Variants in CARNMT1 observed in about 807,000 individuals in gnomAD.
The protein encoded by CARNMT1 is carnosine N-methyltransferase 1, also known as protein-L-histidine N-pros-methyltransferase CARNMT1.
A neutral mutation model predicts 49.6 loss-of-function variants in CARNMT1; 28 were observed. The ratio of observed to expected loss-of-function variants is 0.56; its 90% confidence interval spans 0.42 to 0.77. The LOEUF (loss-of-function observed/expected upper bound fraction) is 0.77. Among genes scored for constraint, CARNMT1 ranks in the 30% least tolerant of loss-of-function variants. The probability of loss-of-function intolerance (pLI) is 0.00; values close to 1 mark genes in which losing one functional copy is unlikely to be tolerated. For synonymous variants in CARNMT1, 178 were observed against 175.0 expected, an observed-to-expected ratio of 1.02 and a Z score of -0.13; for missense variants, 421 against 512.6, an observed-to-expected ratio of 0.82 and a Z score of 1.73.
At position 75,007,748 on chromosome 9, in the gene CARNMT1, A is replaced by T. The variant is rs934912565; in HGVS notation, c.591-7878T>A. Among the ~76,000 whole-genome samples, 15 of 150,552 alleles carry T rather than the reference A, an allele frequency of 1.0e-4. 1 individual carries two copies. Among genetic ancestry groups the T allele is most frequent in the South Asian group, 2.1e-4 (1 of 4,764 alleles). The stretch of plus-strand genomic sequence containing the variant: ...TGTCTCAAAAAAATAAAAATAATAA[A>T]AAAAAAAAAACTAAGAAAATTCTTC... On this transcript the variant is annotated intron_variant, in intron 3 of 7. Coordinates refer to ENST00000376834, the MANE Select transcript of CARNMT1 (RefSeq NM_152420.3).
chr9:75,016,140 A>G lies in CARNMT1; in HGVS notation c.590+128T>C, dbSNP rs573849024. ...AGAGCATCCAATAACAAATGTTAAC[A>G]CTTACACATGTAAAACATACAGGCA... On this transcript the variant is annotated intron_variant, in intron 3 of 7. Transcript: ENST00000376834. 2.2e-5 allele frequency: 15 copies of G among 671,512 alleles called. No individual in the cohort carries two copies. The African/African-American group carries it at 2.5e-4, about 11-fold the overall frequency. The allele number at this position is 671,512 out of a possible 1,614,324, so 41.6% of individuals were successfully genotyped here. A position where few individuals can be genotyped will look rare whatever the true frequency, so the allele number is the denominator to read the frequency against.
chr9:75,026,270 C>G (rs544285137), intron 1 of CARNMT1, among the ~76,000 whole-genome samples: 13 of 152,172 alleles, frequency 8.5e-5, no homozygotes, highest in Non-Finnish European at 1.8e-4. Flanking sequence ...TGCCACACTT[C>G]AGTTCCTGAT....
chr9:75,003,906 C>G (rs921314550), intron 3 of CARNMT1, among the ~76,000 whole-genome samples: 3 of 152,204 alleles, frequency 2.0e-5, no homozygotes, highest in African/African-American at 4.8e-5. Context: ...GACGGAGTCT[C>G]GCTCTGTCGC....
chr9:75,004,271 C>T (rs1353762955), intron 3 of CARNMT1, among the ~76,000 whole-genome samples: 1 of 152,252 alleles, frequency 6.6e-6, no homozygotes, highest in East Asian at 1.9e-4. Context: ...TGTTTCCTCA[C>T]ACCTGCACTA....
intron 3 of CARNMT1, chr9:75,010,078 TAAAA>T (rs59158137): frequency 1.1e-4 from 15 of 132,618 alleles, no homozygotes; most frequent in Admixed American, 5.5e-4. Flanking sequence ...GTATAAGAGA[TAAAA>T]AAAACTCTTT....
At position 74,988,257 on chromosome 9, in the gene CARNMT1, GAT is replaced by G. The variant is rs138385329; in HGVS notation, c.1025-3249_1025-3248del. 8.7e-3 allele frequency among the ~76,000 whole-genome samples: 1,315 copies of G among 151,976 alleles called. 16 individuals carry two copies. The highest frequency in any genetic ancestry group is 0.03 in the African/African-American group (1,233 of 41,458). ...TAGTGGCCATAACAGAAGGAGCAAA[GAT>G]ATGTTTTTTTCTTTGATTATAAGAT... On this transcript the variant is annotated intron_variant, in intron 6 of 7. Transcript: ENST00000376834.
chr9:75,028,125 C>A lies in CARNMT1; in HGVS notation c.117G>T (p.Ser39=). 6.4e-7 allele frequency: 1 copy of A among 1,553,202 alleles called. No homozygotes were observed. Among genetic ancestry groups the A allele is most frequent in the Non-Finnish European group, 8.7e-7 (1 of 1,152,180 alleles). Residue 39 remains serine (S), a synonymous_variant, in exon 1 of 8, where the codon TCG becomes TCT. Coordinates refer to ENST00000376834, the MANE Select transcript of CARNMT1 (RefSeq NM_152420.3). ...CCGCTGCCGCCGAAACCGCCGCGGC[C>A]GAGCCCCAACGCCCGGCGGAAAACT... ...EVQFSAGRWG[S]AAAVSAAAAA...
intron 3 of CARNMT1, among the ~76,000 whole-genome samples, chr9:75,008,996 C>T (rs1232299352): frequency 6.6e-6 from 1 of 151,270 alleles, no homozygotes; most frequent in Non-Finnish European, 1.5e-5. Flanking sequence ...CAGAAAAAAC[C>T]CACATACATG....
intron 1 of CARNMT1, chr9:75,027,306 AG>A: frequency 3.0e-6 from 2 of 669,772 alleles, no homozygotes; most frequent in African/African-American, 3.9e-5. Context: ...CTAGCACACC[AG>A]GGAGAATTAG....
In CARNMT1 at chr9:74,998,776, T is replaced by C. The variant is rs1440291161; in HGVS notation, c.732A>G (p.Arg244=). The change falls in exon 5 of 8, where the codon AGA becomes AGG. Residue 244 remains arginine, a splice_region_variant and synonymous_variant. Transcript: ENST00000376834. ...MLFSSNFVLN[R]CSEINKYKLY... is the part of the protein sequence containing the mutation. ...GTTTATATTTATTAATTTCAGAACA[T>C]CTGCAAAATATGAGTATAAAATCAG... 2.0e-6 allele frequency: 3 copies of C among 1,502,594 alleles called. No homozygotes were observed. Among genetic ancestry groups the C allele is most frequent in the South Asian group, 2.7e-5 (2 of 74,356 alleles). 93.1% of individuals were successfully genotyped at this position (1,502,594 alleles called of 1,614,324 possible). A position where few individuals can be genotyped will look rare whatever the true frequency, so the allele number is the denominator to read the frequency against.
At chr9:75,012,986 C>T (rs1426811610) in intron 3 of CARNMT1, among the ~76,000 whole-genome samples, 2 of 152,010 alleles carry the variant, frequency 1.3e-5, no homozygotes, top group Non-Finnish European at 2.9e-5. Flanking sequence ...CTTATCAGAA[C>T]CAGGAAGATA....
chr9:75,008,047 C>A (rs2800243), intron 3 of CARNMT1, among the ~76,000 whole-genome samples: 151,912 of 152,072 alleles, frequency 1, 75,876 homozygotes, highest in Middle Eastern at 1. Flanking sequence ...TAAATTAAGA[C>A]AGCAATTCTA....
At chr9:75,027,342 C>G (rs1419448965) in intron 1 of CARNMT1, 1 of 874,792 alleles carries the variant, frequency 1.1e-6, no homozygotes, top group African/African-American at 1.8e-5. Context: ...AAAAAAAGAA[C>G]GTAAAGGCAG....
chr9:75,017,160 C>T, intron 2 of CARNMT1, 93 bp downstream of exon 2: 1 of 943,994 alleles, frequency 1.1e-6, no homozygotes. Context: ...ATAGCCTGTG[C>T]CAGATTATAA....
chr9:75,015,258 A>G (rs913305400), intron 3 of CARNMT1, among the ~76,000 whole-genome samples: 1 of 152,232 alleles, frequency 6.6e-6, no homozygotes, highest in Non-Finnish European at 1.5e-5. Flanking sequence ...TTTATCACGA[A>G]GAGAAATCAC....
chr9:75,019,172 G>C (rs1483894777), intron 1 of CARNMT1, among the ~76,000 whole-genome samples: 3 of 152,024 alleles, frequency 2.0e-5, no homozygotes, highest in Non-Finnish European at 4.4e-5. Context: ...TCTTCTCCAA[G>C]TTCTTCACTA....
At chr9:75,023,057 G>A (rs1338222541) in intron 1 of CARNMT1, among the ~76,000 whole-genome samples, 9 of 151,108 alleles carry the variant, frequency 6.0e-5, no homozygotes, top group South Asian at 4.2e-4. Flanking sequence ...CAGGAGAATC[G>A]CTTGAACCTG....
upstream of CARNMT1, chr9:75,028,392 C>T (rs965976773): frequency 2.3e-6 from 3 of 1,293,526 alleles, no homozygotes; most frequent in Non-Finnish European, 2.9e-6. Context: ...GGCCTCCATC[C>T]GCGCTGGGCT....
chr9:75,026,475 T>C (rs1822533085), intron 1 of CARNMT1, among the ~76,000 whole-genome samples: 1 of 152,248 alleles, frequency 6.6e-6, no homozygotes, highest in Middle Eastern at 3.2e-3. Flanking sequence ...TCTCCCACTC[T>C]TAGCTATCTG....
Sources: allele counts gnomAD v4.1 joint callset (sites outside exome capture counted in the v4.1 genomes callset), GRCh38; gene constraint gnomAD v4.1.1; transcripts MANE v1.5; gene names NCBI Gene and HGNC (gene_info 2026-07-23, HGNC 2026-07-21).